Variants in LGALS8 observed in about 807,000 individuals in gnomAD.
LGALS8 encodes the protein galectin-8.
In LGALS8, 30 loss-of-function variants were observed where a neutral mutation model predicts 35.9. That is an observed-to-expected ratio of 0.83 (90% confidence interval 0.62 to 1.13). The LOEUF (loss-of-function observed/expected upper bound fraction) is 1.13. Among genes scored for constraint, LGALS8 ranks in the 50% most tolerant of loss-of-function variants. The pLI, the probability that LGALS8 is intolerant of heterozygous loss-of-function variation, is 0.00. For missense variants in LGALS8, 366 were observed against 388.7 expected (o/e 0.94, Z 0.49); for synonymous variants, 138 against 136.1 (o/e 1.01, Z -0.10).
chr1:236,540,329 T>G, intron 4 of LGALS8: 1 of 442,446 alleles, frequency 2.3e-6, no homozygotes, highest in Non-Finnish European at 3.9e-6. Flanking sequence ...TGACTGCCTG[T>G]TTGTCTGGGG....
chr1:236,543,690 T>C (rs1662173100), intron 8 of LGALS8, 42 bp downstream of exon 8: 1 of 1,418,166 alleles, frequency 7.1e-7, no homozygotes, highest in African/African-American at 1.4e-5. Flanking sequence ...GATACTTCCG[T>C]GCCTGTTACC....
chr1:236,545,839 T>C lies in LGALS8; in HGVS notation c.804+924T>C, dbSNP rs115681661. On this transcript the variant is annotated intron_variant, in intron 9 of 9. Coordinates refer to ENST00000366584, the MANE Select transcript of LGALS8 (RefSeq NM_201544.4). Reference sequence around the variant, plus strand: ...AGGATGTGGAAGGCTGAAGGTTGGCTTTTCTAGATTTAGGGCATGATTTGA... The same window carrying C: ...AGGATGTGGAAGGCTGAAGGTTGGCCTTTCTAGATTTAGGGCATGATTTGA... Among the ~76,000 whole-genome samples the C allele has an allele frequency of 7.8e-3, 1,184 of 152,180 alleles. 18 individuals carry two copies. Among genetic ancestry groups the C allele is most frequent in the African/African-American group, 0.027 (1,125 of 41,500 alleles).
chr1:236,546,202 G>A (rs372410390), intron 9 of LGALS8, among the ~76,000 whole-genome samples: 1 of 152,210 alleles, frequency 6.6e-6, no homozygotes, highest in East Asian at 1.9e-4. Context: ...TGCAGAGACA[G>A]TGAAAGGGAT....
chr1:236,539,697 G>A (rs28379343), intron 4 of LGALS8, among the ~76,000 whole-genome samples: 92,756 of 151,834 alleles, frequency 0.61, 29,222 homozygotes, highest in Non-Finnish European at 0.69. Context: ...GAGAAGACTC[G>A]AATGCCTCTG....
At chr1:236,544,997 T>A in intron 9 of LGALS8, 82 bp downstream of exon 9, 1 of 1,092,366 alleles carries the variant, frequency 9.2e-7, no homozygotes. Context: ...TTAAATCAAG[T>A]CCTAACTCAG....
rs1423710523 is a variant in LGALS8, at chr1:236,551,638, A to G, written c.*3477A>G. The stretch of plus-strand genomic sequence containing the variant: ...TACTGCATCCTTAATGCCACTAGGC[A>G]TTTCCATACAATCTGGGGACCAAAA... On this transcript the variant is annotated 3_prime_UTR_variant, in exon 10 of 10. Transcript: ENST00000366584. The G allele has an allele frequency of 5.5e-6, 1 of 180,636 alleles. No individual in the cohort carries two copies. Among genetic ancestry groups the G allele is most frequent in the Non-Finnish European group, 1.1e-5 (1 of 86,958 alleles). 11.2% of individuals were successfully genotyped at this position (180,636 alleles called of 1,614,324 possible). A position where few individuals can be genotyped will look rare whatever the true frequency, so the allele number is the denominator to read the frequency against.
chr1:236,547,471 G>A (rs980253313), intron 9 of LGALS8, among the ~76,000 whole-genome samples: 1 of 152,166 alleles, frequency 6.6e-6, no homozygotes, highest in Non-Finnish European at 1.5e-5. Context: ...CCAAGCAGCT[G>A]TAAAAACCCT....
intron 2 of LGALS8, among the ~76,000 whole-genome samples, chr1:236,533,710 C>A (rs1661283206): frequency 6.6e-6 from 1 of 151,868 alleles, no homozygotes; most frequent in Non-Finnish European, 1.5e-5. Context: ...ACTCTTTAAG[C>A]AGAAAAGGAA....
upstream of LGALS8, among the ~76,000 whole-genome samples, chr1:236,520,630 G>A (rs1022411696): frequency 3.9e-5 from 6 of 152,162 alleles, no homozygotes; most frequent in African/African-American, 4.8e-5. Flanking sequence ...TTGGCACACA[G>A]GCTGTTTCTC....
upstream of LGALS8, among the ~76,000 whole-genome samples, chr1:236,522,854 A>G (rs977685103): frequency 3.3e-5 from 5 of 152,236 alleles, no homozygotes; most frequent in Non-Finnish European, 5.9e-5. Flanking sequence ...AGGAGAGAAA[A>G]GCAACAGTGA....
In LGALS8 at chr1:236,551,003, A is replaced by AAG. The variant is rs763613614; in HGVS notation, c.*2843_*2844insGA. The AAG allele has an allele frequency of 4.5e-6, 7 of 1,558,764 alleles. No individual in the cohort carries two copies. The African/African-American group carries it at 8.5e-5, about 19-fold the overall frequency. ...TCTTCACATTCATCTAAAAAAAAAA[A>AAG]AAAAAAATCAAAATTAAAATCTGAG... On this transcript the variant is annotated 3_prime_UTR_variant, in exon 10 of 10. Transcript: ENST00000366584.
chr1:236,532,421 T>C (rs908684068), intron 2 of LGALS8, among the ~76,000 whole-genome samples: 3 of 152,228 alleles, frequency 2.0e-5, no homozygotes, highest in Non-Finnish European at 4.4e-5. Flanking sequence ...GACTTTTAAA[T>C]GTGTGCTCTG....
In LGALS8 at chr1:236,551,893, C is replaced by T; in HGVS notation, c.*3732C>T. 1 of 748,886 alleles carries T rather than the reference C, an allele frequency of 1.3e-6. No individual in the cohort carries two copies. The highest frequency in any genetic ancestry group is 1.6e-5 in the South Asian group (1 of 60,796). 46.4% of individuals were successfully genotyped at this position (748,886 alleles called of 1,614,324 possible). A position where few individuals can be genotyped will look rare whatever the true frequency, so the allele number is the denominator to read the frequency against. On this transcript the variant is annotated 3_prime_UTR_variant, in exon 10 of 10. Transcript: ENST00000366584. ...GCCTGTATGAGGACTGGATCAACTG[C>T]TAGTCACGTTATATCCAAATCTGCA...
chr1:236,547,425 G>A lies in LGALS8; in HGVS notation c.805-587G>A, dbSNP rs977326248. The stretch of plus-strand genomic sequence containing the variant: ...TGACGGCTTTGGACAAACACACTGA[G>A]GCCAAGATGTGCTGAGCTTATCAGG... On this transcript the variant is annotated intron_variant, in intron 9 of 9. Transcript: ENST00000366584. Among the ~76,000 whole-genome samples the A allele has an allele frequency of 3.3e-5, 5 of 152,114 alleles. 1 individual carries two copies. The highest frequency in any genetic ancestry group is 6.5e-5 in the Admixed American group (1 of 15,280).
At chr1:236,528,936 T>C (rs1276689169) in intron 2 of LGALS8, among the ~76,000 whole-genome samples, 1 of 152,212 alleles carries the variant, frequency 6.6e-6, no homozygotes, top group Non-Finnish European at 1.5e-5. Flanking sequence ...CTATTTAGTA[T>C]ATTTCTTTGA....
chr1:236,540,024 C>G (rs905863493), intron 4 of LGALS8: 1 of 152,290 alleles, frequency 6.6e-6, no homozygotes, highest in African/African-American at 2.4e-5. Flanking sequence ...GCTACTTTCT[C>G]GTCATCTTAC....
At chr1:236,522,132 A>G (rs541708130), upstream of LGALS8, among the ~76,000 whole-genome samples, 35 of 152,320 alleles carry the variant, frequency 2.3e-4, no homozygotes, top group Admixed American at 2.2e-3. Context: ...CAAATGAGGG[A>G]GATATTTCTA....
chr1:236,533,480 A>C (rs1661266300), intron 2 of LGALS8, among the ~76,000 whole-genome samples: 1 of 151,916 alleles, frequency 6.6e-6, no homozygotes, highest in Non-Finnish European at 1.5e-5. Context: ...GATTACAGTC[A>C]TGTGCCACCA....
At position 236,549,662 on chromosome 1, in the gene LGALS8, G is replaced by A. The variant is rs531661432; in HGVS notation, c.*1501G>A. Reference sequence around the variant, plus strand: ...GGAGGGTGCCACAGGGAAAGCTGTAGAAGGCAAGAAGACTCGAGAATCCCC... The same window carrying A: ...GGAGGGTGCCACAGGGAAAGCTGTAAAAGGCAAGAAGACTCGAGAATCCCC... On this transcript the variant is annotated 3_prime_UTR_variant, in exon 10 of 10. Coordinates refer to ENST00000366584, the MANE Select transcript of LGALS8 (RefSeq NM_201544.4). 1 of 152,248 alleles carries A rather than the reference G, an allele frequency of 6.6e-6. No homozygotes were observed. The highest frequency in any genetic ancestry group is 1.5e-5 in the Non-Finnish European group (1 of 68,038). The allele number at this position is 152,248 out of a possible 1,614,324, so 9.4% of individuals were successfully genotyped here.
Sources: allele counts gnomAD v4.1 joint callset (sites outside exome capture counted in the v4.1 genomes callset), GRCh38; gene constraint gnomAD v4.1.1; transcripts MANE v1.5; gene names NCBI Gene and HGNC (gene_info 2026-07-23, HGNC 2026-07-21).